IQSEC1: variants seen among roughly 807,000 people sequenced by gnomAD.
IQSEC1 encodes IQ motif and SEC7 domain-containing protein 1.
In IQSEC1, 31 loss-of-function variants were observed where a neutral mutation model predicts 91.0. The ratio of observed to expected loss-of-function variants is 0.34; its 90% CI spans 0.26 to 0.46. IQSEC1 has a LOEUF of 0.46. Among genes scored for constraint, IQSEC1 ranks in the 20% least tolerant of loss-of-function variants. The probability of loss-of-function intolerance (pLI) is 1.00; values close to 1 mark genes in which losing one functional copy is unlikely to be tolerated. For missense variants in IQSEC1, 1,388 were observed against 1,575.6 expected (o/e 0.88, Z 2.02); for synonymous variants, 699 against 662.6 (o/e 1.05, Z -0.84).
chr3:13,221,105 CT>C (rs1694651080), intron 1 of IQSEC1, among the ~76,000 whole-genome samples: 2 of 152,164 alleles, frequency 1.3e-5, no homozygotes, highest in Admixed American at 1.3e-4. Flanking sequence ...TGGAAGGACC[CT>C]ATAGTGTGAC....
chr3:13,018,107 C>T (rs1028481166), intron 1 of IQSEC1, among the ~76,000 whole-genome samples: 2 of 152,148 alleles, frequency 1.3e-5, no homozygotes, highest in African/African-American at 2.4e-5. Context: ...CAGCGAGCAC[C>T]GCAGGAAGGA....
intron 1 of IQSEC1, among the ~76,000 whole-genome samples, chr3:13,229,755 T>A (rs1694813796): frequency 6.6e-6 from 1 of 152,208 alleles, no homozygotes. Flanking sequence ...CCCAGGTCCA[T>A]CCAGGAGCTA....
rs1272230725 is a variant in IQSEC1 at position 13,259,648 on chromosome 3, A to T, written c.272+23063T>A. Reference sequence around the variant, plus strand: ...CCACTAGGCTGTTCGTTGCCATTCAAAACCAGCAGCTCCACAACCATCTCC... The same window carrying T: ...CCACTAGGCTGTTCGTTGCCATTCATAACCAGCAGCTCCACAACCATCTCC... On this transcript the variant is annotated intron_variant, in intron 1 of 15. Transcript: ENST00000648114. The surrounding 1 kb of genome is among the most constrained non-coding windows in gnomAD (Gnocchi z 4.6). Among the ~76,000 whole-genome samples the T allele has an allele frequency of 6.6e-6, 1 of 152,194 alleles. No homozygotes were observed. Among genetic ancestry groups the T allele is most frequent in the Non-Finnish European group, 1.5e-5 (1 of 68,030 alleles).
chr3:13,059,269 C>G (rs1057411591), intron 1 of IQSEC1, among the ~76,000 whole-genome samples: 1 of 152,142 alleles, frequency 6.6e-6, no homozygotes, highest in Non-Finnish European at 1.5e-5. Context: ...CCAGGCCAGA[C>G]CCCTAGGCAC....
At chr3:13,137,447 T>C (rs1464138258) in intron 2 of IQSEC1, among the ~76,000 whole-genome samples, 1 of 152,238 alleles carries the variant, frequency 6.6e-6, no homozygotes, top group Non-Finnish European at 1.5e-5. Context: ...CTGCGTATGG[T>C]ACACCATTTC....
chr3:13,176,811 G>A (rs529996909), intron 1 of IQSEC1, among the ~76,000 whole-genome samples: 4 of 152,216 alleles, frequency 2.6e-5, no homozygotes, highest in Non-Finnish European at 4.4e-5. Flanking sequence ...AGAAAATAGC[G>A]AGGAAGAACC....
chr3:13,063,141 C>T (rs752479023), intron 1 of IQSEC1, among the ~76,000 whole-genome samples: 4 of 152,032 alleles, frequency 2.6e-5, no homozygotes, highest in Admixed American at 6.5e-5. Context: ...CAAAGCCTGG[C>T]CCCTCAGAGA....
In IQSEC1 at chr3:12,983,562, C is replaced by G. The variant is rs1264276674; in HGVS notation, c.24-41697G>C. ...CGGCCAGGATGAAGTGATGCCCCAG[C>G]CTTGAGCAGGGTGCCCAGAGGGGGT... On this transcript the variant is annotated intron_variant, in intron 1 of 13. Coordinates refer to ENST00000613206, the MANE Select transcript of IQSEC1 (RefSeq NM_001134382.3). This position sits in a 1 kb window ranked among gnomAD's most constrained non-coding sequence, Gnocchi z 4.3. 1.3e-5 allele frequency among the ~76,000 whole-genome samples: 2 copies of G among 152,174 alleles called. No homozygotes were observed. The highest frequency in any genetic ancestry group is 2.9e-5 in the Non-Finnish European group (2 of 68,026).
chr3:13,000,421 T>TA (rs1482109707), intron 1 of IQSEC1, among the ~76,000 whole-genome samples: 1 of 152,156 alleles, frequency 6.6e-6, no homozygotes, highest in African/African-American at 2.4e-5. Context: ...CAGTGTCCTG[T>TA]ACATCTTGAG....
At chr3:12,982,199 T>G (rs1335359873) in intron 1 of IQSEC1, among the ~76,000 whole-genome samples, 2 of 152,212 alleles carry the variant, frequency 1.3e-5, no homozygotes, top group Non-Finnish European at 2.9e-5. Flanking sequence ...CCATCAGTTG[T>G]CCTTTAGCAT....
At chr3:13,178,625 T>C (rs1195294050) in intron 1 of IQSEC1, among the ~76,000 whole-genome samples, 1 of 152,194 alleles carries the variant, frequency 6.6e-6, no homozygotes, top group Non-Finnish European at 1.5e-5. Flanking sequence ...TCATCAGAGA[T>C]CTCAGGTGGC....
At chr3:13,115,722 C>G (rs778963891) in intron 2 of IQSEC1, among the ~76,000 whole-genome samples, 2 of 152,254 alleles carry the variant, frequency 1.3e-5, no homozygotes, top group Non-Finnish European at 2.9e-5. Context: ...TGGGCACTCA[C>G]CAGACCCTCT....
chr3:13,184,349 G>T (rs1693895199), intron 1 of IQSEC1, among the ~76,000 whole-genome samples: 1 of 152,166 alleles, frequency 6.6e-6, no homozygotes, highest in Non-Finnish European at 1.5e-5. Flanking sequence ...ACAAACTAAA[G>T]AAGAAAAATT....
intron 2 of IQSEC1, among the ~76,000 whole-genome samples, chr3:13,158,089 C>T (rs901343861): frequency 3.3e-5 from 5 of 152,190 alleles, no homozygotes; most frequent in African/African-American, 1.2e-4. Flanking sequence ...AGATTATCTG[C>T]CCCCAGTGTC....
At chr3:13,199,286 C>A (rs1383479101) in intron 1 of IQSEC1, among the ~76,000 whole-genome samples, 4 of 152,212 alleles carry the variant, frequency 2.6e-5, no homozygotes, top group African/African-American at 9.7e-5. Context: ...GGAGCCAACA[C>A]ATTTGACGCA....
chr3:13,014,043 C>T (rs552873702), intron 1 of IQSEC1, among the ~76,000 whole-genome samples: 1 of 152,304 alleles, frequency 6.6e-6, no homozygotes, highest in South Asian at 2.1e-4. Context: ...CCAGGCTCCC[C>T]AGCTTGAGCC....
intron 1 of IQSEC1, among the ~76,000 whole-genome samples, chr3:12,964,601 G>A (rs527437792): frequency 4.6e-5 from 7 of 152,200 alleles, no homozygotes; most frequent in Non-Finnish European, 8.8e-5. Flanking sequence ...AGCACTCCAT[G>A]AAGCAGTGTT....
At chr3:13,108,933 A>G (rs768416977) in intron 2 of IQSEC1, among the ~76,000 whole-genome samples, 3 of 152,194 alleles carry the variant, frequency 2.0e-5, no homozygotes, top group Non-Finnish European at 4.4e-5. Flanking sequence ...CAAATGCGGT[A>G]AACAGTGGAC....
At chr3:13,280,569 A>T (rs1695771980) in intron 1 of IQSEC1, among the ~76,000 whole-genome samples, 1 of 152,140 alleles carries the variant, frequency 6.6e-6, no homozygotes, top group Non-Finnish European at 1.5e-5. Context: ...CGGCTGCTCC[A>T]TCTTGAAGGG....
Sources: allele counts gnomAD v4.1 joint callset (sites outside exome capture counted in the v4.1 genomes callset), GRCh38; gene constraint gnomAD v4.1.1; non-coding constraint Gnocchi (gnomAD v3.1); transcripts MANE v1.5; gene names NCBI Gene and HGNC (gene_info 2026-07-23, HGNC 2026-07-21).